ROBO2: variants seen among roughly 807,000 people sequenced by gnomAD.
ROBO2 encodes the protein roundabout guidance receptor 2, also known as roundabout homolog 2.
Under a neutral mutation model 160.8 loss-of-function variants are expected in ROBO2, and 53 were observed. The observed-to-expected ratio is 0.33, with a 90% CI of 0.26 to 0.41. The LOEUF is 0.41. Among genes scored for constraint, ROBO2 ranks in the 10% least tolerant of loss-of-function variants. The pLI, the probability that ROBO2 is intolerant of heterozygous loss-of-function variation, is 1.00. For missense variants in ROBO2, 1,577 were observed against 1,722.4 expected (o/e 0.92, Z 1.49); for synonymous variants, 664 against 611.7 (o/e 1.09, Z -1.26).
At chr3:77,166,780 C>G (rs1225612923) in intron 2 of ROBO2, among the ~76,000 whole-genome samples, 1 of 152,092 alleles carries the variant, frequency 6.6e-6, no homozygotes, top group Non-Finnish European at 1.5e-5. Flanking sequence ...AGGATGGTCT[C>G]GATCTCCTGA....
intron 23 of ROBO2, chr3:77,630,770 A>G (rs187559932): frequency 2.6e-5 from 4 of 152,186 alleles, no homozygotes; most frequent in Admixed American, 2.6e-4. Flanking sequence ...GAGTAAAACA[A>G]GATGAAGATT....
chr3:77,368,076 G>C (rs934673951), intron 2 of ROBO2, among the ~76,000 whole-genome samples: 9 of 152,034 alleles, frequency 5.9e-5, no homozygotes, highest in African/African-American at 1.9e-4. Flanking sequence ...CATTTTCTTA[G>C]AGCATTTATG....
chr3:76,767,601 T>C (rs2061645519), intron 2 of ROBO2, among the ~76,000 whole-genome samples: 1 of 151,608 alleles, frequency 6.6e-6, no homozygotes, highest in African/African-American at 2.4e-5. Flanking sequence ...TGGACCATTT[T>C]AGTGCAGAAC....
intron 2 of ROBO2, among the ~76,000 whole-genome samples, chr3:76,947,697 G>A (rs915748755): frequency 3.4e-4 from 51 of 150,484 alleles, no homozygotes; most frequent in Middle Eastern, 3.3e-3. Context: ...TCCTGCAATC[G>A]ATGACATGGG....
intron 2 of ROBO2, among the ~76,000 whole-genome samples, chr3:76,009,044 C>T (rs1166696640): frequency 6.6e-6 from 1 of 152,148 alleles, no homozygotes; most frequent in Non-Finnish European, 1.5e-5. Flanking sequence ...CATTCCTTCT[C>T]TCCAGATATG....
At chr3:77,316,616 GA>G in intron 2 of ROBO2, 1 of 566,848 alleles carries the variant, frequency 1.8e-6, no homozygotes, top group East Asian at 3.3e-5. Context: ...TCTTAAAGCA[GA>G]ATCATCTTTA....
intron 2 of ROBO2, among the ~76,000 whole-genome samples, chr3:76,774,675 A>G (rs148166932): frequency 6.6e-6 from 1 of 150,766 alleles, no homozygotes; most frequent in African/African-American, 2.4e-5. Context: ...AGCACCCTCT[A>G]TATAGTTTAT....
At chr3:76,052,217 A>C (rs1378399396) in intron 2 of ROBO2, among the ~76,000 whole-genome samples, 1 of 152,220 alleles carries the variant, frequency 6.6e-6, no homozygotes, top group African/African-American at 2.4e-5. Context: ...TCTTCCAGGA[A>C]GAGCTGCCAA....
chr3:77,006,129 A>G (rs2061564068), intron 2 of ROBO2, among the ~76,000 whole-genome samples: 2 of 152,090 alleles, frequency 1.3e-5, no homozygotes, highest in Non-Finnish European at 2.9e-5. Context: ...TCATTCACAC[A>G]TCAGTAGTAC....
intron 2 of ROBO2, among the ~76,000 whole-genome samples, chr3:76,425,066 C>G (rs2076155414): frequency 6.6e-6 from 1 of 152,096 alleles, no homozygotes; most frequent in Non-Finnish European, 1.5e-5. Flanking sequence ...CTTATAAATT[C>G]ACTCTCATCC....
chr3:76,025,064 T>C (rs1009620139), intron 2 of ROBO2, among the ~76,000 whole-genome samples: 5 of 151,406 alleles, frequency 3.3e-5, no homozygotes, highest in Non-Finnish European at 7.4e-5. Flanking sequence ...TGGAGAACCA[T>C]AGTGTTAGTA....
At chr3:76,049,399 A>T (rs1439113275) in intron 2 of ROBO2, among the ~76,000 whole-genome samples, 66 of 50,346 alleles carry the variant, frequency 1.3e-3, no homozygotes, top group East Asian at 8.0e-3. Flanking sequence ...ATATATATAT[A>T]TATATTTTTT....
intron 2 of ROBO2, among the ~76,000 whole-genome samples, chr3:77,472,061 T>G (rs1029179007): frequency 6.6e-6 from 1 of 152,136 alleles, no homozygotes. Context: ...GCTCTTAGTT[T>G]AAAGTCTGAA....
chr3:77,479,477 A>G (rs1336826754), intron 3 of ROBO2, among the ~76,000 whole-genome samples: 1 of 152,142 alleles, frequency 6.6e-6, no homozygotes, highest in African/African-American at 2.4e-5. Flanking sequence ...TCAGAGAGAC[A>G]TTGATGTTAA....
At chr3:76,705,302 A>G (rs2093137341) in intron 2 of ROBO2, among the ~76,000 whole-genome samples, 1 of 152,306 alleles carries the variant, frequency 6.6e-6, no homozygotes, top group African/African-American at 2.4e-5. Context: ...AATGTATAGT[A>G]ATACAATATA....
At chr3:76,402,866 A>G (rs1227520683) in intron 2 of ROBO2, among the ~76,000 whole-genome samples, 1 of 151,670 alleles carries the variant, frequency 6.6e-6, no homozygotes, top group Non-Finnish European at 1.5e-5. Context: ...CAGATAATTC[A>G]GGATAATCTT....
chr3:76,760,714 G>A (rs1351071125), intron 2 of ROBO2, among the ~76,000 whole-genome samples: 2 of 42,732 alleles, frequency 4.7e-5, no homozygotes, highest in African/African-American at 9.3e-5. Flanking sequence ...CCTCTGAGTC[G>A]GTAAGTTAAA....
intron 13 of ROBO2, among the ~76,000 whole-genome samples, chr3:77,571,469 G>A (rs2153668294): frequency 6.6e-6 from 1 of 152,118 alleles, no homozygotes; most frequent in African/African-American, 2.4e-5. Flanking sequence ...GATTGTTTCT[G>A]TGCCCTTGAG....
chr3:76,606,059 A>G (rs373670555), intron 2 of ROBO2, among the ~76,000 whole-genome samples: 1 of 152,058 alleles, frequency 6.6e-6, no homozygotes, highest in Non-Finnish European at 1.5e-5. Context: ...TGCTCTATAA[A>G]TTTTGTGCCT....
Sources: gnomAD v4.1 joint callset for allele counts (sites outside exome capture counted in the v4.1 genomes callset) on GRCh38, gnomAD v4.1.1 for gene constraint, MANE v1.5 for transcripts, NCBI Gene and HGNC (gene_info 2026-07-23, HGNC 2026-07-21) for gene names.